SLCO3A1: variants seen among roughly 807,000 people sequenced by gnomAD.
The protein encoded by SLCO3A1 is solute carrier organic anion transporter family member 3A1.
A neutral mutation model predicts 63.1 loss-of-function variants in SLCO3A1; 27 were observed. The observed-to-expected ratio is 0.43, with a 90% CI of 0.32 to 0.59. The LOEUF is 0.59. Ranked by LOEUF, SLCO3A1 falls within the 20% of genes least tolerant of loss-of-function variation. The pLI is 0.09. For missense variants in SLCO3A1, 773 were observed against 945.8 expected (o/e 0.82, Z 2.40); for synonymous variants, 473 against 409.9 (o/e 1.15, Z -1.86).
At chr15:91,867,513 T>A (rs1433206644) in intron 1 of SLCO3A1, among the ~76,000 whole-genome samples, 1 of 152,314 alleles carries the variant, frequency 6.6e-6, no homozygotes, top group Admixed American at 6.5e-5. Flanking sequence ...TTGACTTTTT[T>A]TTTTTTTTTA....
rs1898517817 is a variant in SLCO3A1, at chr15:91,912,502, T to C, written c.181-3491T>C. 1.3e-5 allele frequency among the ~76,000 whole-genome samples: 2 copies of C among 152,202 alleles called. No individual in the cohort carries two copies. Among genetic ancestry groups the C allele is most frequent in the Non-Finnish European group, 2.9e-5 (2 of 68,044 alleles). ...GGGCGTTATCTGTCTCTAAAAGAAC[T>C]GATTATTTTTTGTTTTGCCCACAGC... is the stretch of plus-strand genomic sequence containing the variant. On this transcript the variant is annotated intron_variant, in intron 1 of 9. Transcript: ENST00000318445. This position sits in a 1 kb window ranked among gnomAD's most constrained non-coding sequence, Gnocchi z 5.0.
At chr15:91,884,300 G>A (rs1164038383) in intron 1 of SLCO3A1, among the ~76,000 whole-genome samples, 1 of 152,074 alleles carries the variant, frequency 6.6e-6, no homozygotes, top group Admixed American at 6.5e-5. Context: ...CCTGAGATTG[G>A]GAGTTCAAGA....
At position 92,103,159 on chromosome 15, in the gene SLCO3A1, C is replaced by A. The variant is rs183148732; in HGVS notation, c.746-1120C>A. ...CTGGTGTGTGCGGTCATTACTCTTC[C>A]CAGAGCTGTCCATCCATCTGGTCCA... On this transcript the variant is annotated intron_variant, in intron 3 of 9. Transcript: ENST00000318445. Among the ~76,000 whole-genome samples the A allele has an allele frequency of 4.1e-3, 620 of 152,222 alleles. 4 individuals are homozygous for A. Among genetic ancestry groups the A allele is most frequent in the African/African-American group, 0.014 (576 of 41,524 alleles).
intron 4 of SLCO3A1, among the ~76,000 whole-genome samples, chr15:92,104,923 C>G (rs1032897037): frequency 5.9e-5 from 9 of 151,810 alleles, no homozygotes; most frequent in African/African-American, 2.2e-4. Context: ...GCTTCCTTTG[C>G]CTGATATCAG....
At chr15:91,965,614 G>A (rs1233353845) in intron 2 of SLCO3A1, among the ~76,000 whole-genome samples, 1 of 152,162 alleles carries the variant, frequency 6.6e-6, no homozygotes, top group Non-Finnish European at 1.5e-5. Flanking sequence ...CTTGCCTAGG[G>A]AGTGGGAGTT....
chr15:91,926,994 G>A (rs1378213335), intron 2 of SLCO3A1, among the ~76,000 whole-genome samples: 1 of 152,286 alleles, frequency 6.6e-6, no homozygotes, highest in Admixed American at 6.5e-5. Context: ...TGTATGGAGT[G>A]ACAGATGGCA....
chr15:91,915,669 T>C (rs979670434), intron 1 of SLCO3A1, among the ~76,000 whole-genome samples: 4 of 152,198 alleles, frequency 2.6e-5, no homozygotes, highest in African/African-American at 9.6e-5. Context: ...ATGGGCTGTC[T>C]GTGGTGGAGG....
At chr15:92,075,368 T>G (rs2047264877) in intron 2 of SLCO3A1, among the ~76,000 whole-genome samples, 1 of 152,106 alleles carries the variant, frequency 6.6e-6, no homozygotes, top group South Asian at 2.1e-4. Flanking sequence ...TATGGCCCCC[T>G]CTAAATGTCA....
At chr15:92,147,195 C>T (rs76601963) in intron 8 of SLCO3A1, 36 bp downstream of exon 8, 1,455 of 1,583,364 alleles carry the variant, frequency 9.2e-4, no homozygotes, top group Non-Finnish European at 1.2e-3. Context: ...CTCCTCCTTT[C>T]CACCTGGTGT....
Position 91,916,498 on chromosome 15 carries a change from G to C in SLCO3A1, c.646+40G>C, listed in dbSNP as rs528851089. The C allele has an allele frequency of 6.9e-7, 1 of 1,456,746 alleles. No individual in the cohort carries two copies. Among genetic ancestry groups the C allele is most frequent in the Non-Finnish European group, 9.3e-7 (1 of 1,072,652 alleles). 90.2% of individuals were successfully genotyped at this position (1,456,746 alleles called of 1,614,324 possible). A position where few individuals can be genotyped will look rare whatever the true frequency, so the allele number is the denominator to read the frequency against. On this transcript the variant is annotated intron_variant, in intron 2 of 9. Coordinates refer to ENST00000318445, the MANE Select transcript of SLCO3A1 (RefSeq NM_013272.4). The surrounding 1 kb of genome is among the most constrained non-coding windows in gnomAD (Gnocchi z 6.2). The stretch of plus-strand genomic sequence containing the variant: ...AGCCGTATTAGCAAGAGACCAGGGT[G>C]TGTTGACCATGGATAAAAGGTGGCC...
At chr15:92,146,071 A>C (rs2048218116) in intron 7 of SLCO3A1, among the ~76,000 whole-genome samples, 2 of 152,206 alleles carry the variant, frequency 1.3e-5, no homozygotes, top group South Asian at 2.1e-4. Context: ...TGTGCTCTGA[A>C]AGCCAAGCAG....
At chr15:92,131,521 C>T (rs1292128696) in intron 7 of SLCO3A1, among the ~76,000 whole-genome samples, 1 of 138,438 alleles carries the variant, frequency 7.2e-6, no homozygotes, top group Non-Finnish European at 1.6e-5. Context: ...AACACCACCA[C>T]ACCCAGCTAA....
intron 1 of SLCO3A1, among the ~76,000 whole-genome samples, chr15:91,871,951 T>C (rs1252955466): frequency 6.6e-6 from 1 of 152,122 alleles, no homozygotes; most frequent in Non-Finnish European, 1.5e-5. Context: ...TATTTCTGTA[T>C]GGTAGGTTGC....
intron 2 of SLCO3A1, among the ~76,000 whole-genome samples, chr15:92,030,212 G>C (rs968112025): frequency 6.6e-6 from 1 of 152,240 alleles, no homozygotes; most frequent in South Asian, 2.1e-4. Flanking sequence ...CAAAAGCTAC[G>C]TGTTAGACAC....
intron 2 of SLCO3A1, among the ~76,000 whole-genome samples, chr15:91,930,662 TG>T (rs1899194177): frequency 6.6e-6 from 1 of 152,222 alleles, no homozygotes; most frequent in Admixed American, 6.5e-5. Flanking sequence ...TACAAGGTGC[TG>T]GGGATACATG....
At chr15:92,066,506 G>A (rs2047153673) in intron 2 of SLCO3A1, among the ~76,000 whole-genome samples, 1 of 152,182 alleles carries the variant, frequency 6.6e-6, no homozygotes. Context: ...GAACACTCTT[G>A]AACAAGACAT....
chr15:92,097,732 A>G (rs1468899920), intron 3 of SLCO3A1, among the ~76,000 whole-genome samples: 1 of 150,292 alleles, frequency 6.7e-6, no homozygotes, highest in Non-Finnish European at 1.5e-5. Flanking sequence ...TCCCGGAGGC[A>G]CCGTGAGGCA....
At chr15:92,143,709 T>C (rs529571551) in intron 7 of SLCO3A1, among the ~76,000 whole-genome samples, 1 of 150,560 alleles carries the variant, frequency 6.6e-6, no homozygotes, top group African/African-American at 2.4e-5. Context: ...GTCAATAGGG[T>C]GCCGTTACTA....
chr15:91,904,357 TCTC>T (rs1283934087), intron 1 of SLCO3A1, among the ~76,000 whole-genome samples: 1 of 152,192 alleles, frequency 6.6e-6, no homozygotes, highest in Admixed American at 6.5e-5. Context: ...TGTCTACTCT[TCTC>T]CTAACGCTGG....
Sources: allele counts gnomAD v4.1 joint callset (sites outside exome capture counted in the v4.1 genomes callset), GRCh38; gene constraint gnomAD v4.1.1; non-coding constraint Gnocchi (gnomAD v3.1); transcripts MANE v1.5; gene names NCBI Gene and HGNC (gene_info 2026-07-23, HGNC 2026-07-21).